The following PPP1R1B variants were observed in gnomAD, a reference collection of about 807,000 sequenced individuals.
PPP1R1B encodes the protein protein phosphatase 1 regulatory inhibitor subunit 1B, also known as protein phosphatase 1 regulatory subunit 1B.
PPP1R1B carries 13 observed loss-of-function variants against 28.2 expected under a neutral mutation model. The ratio of observed to expected loss-of-function variants is 0.46; its 90% CI spans 0.30 to 0.73. PPP1R1B has a LOEUF of 0.73. Among genes scored for constraint, PPP1R1B ranks in the 30% least tolerant of loss-of-function variants. The probability of loss-of-function intolerance (pLI) is 0.07; values close to 1 mark genes in which losing one functional copy is unlikely to be tolerated. For missense variants in PPP1R1B, 236 were observed against 256.7 expected, an observed-to-expected ratio of 0.92 and a Z score of 0.55; for synonymous variants, 102 against 97.5, an observed-to-expected ratio of 1.05 and a Z score of -0.27.
chr17:39,633,630 A>G, intron 4 of PPP1R1B: 1 of 452,804 alleles, frequency 2.2e-6, no homozygotes, highest in Non-Finnish European at 4.0e-6. Flanking sequence ...GGTGTGGGGG[A>G]GCTGCCTGGG....
At chr17:39,633,673 C>T in intron 4 of PPP1R1B, 1 of 707,110 alleles carries the variant, frequency 1.4e-6, no homozygotes, top group Non-Finnish European at 2.2e-6. Flanking sequence ...AAGAGCCAAA[C>T]ATGATCAAAT....
rs1421625535 is a variant in PPP1R1B, at chr17:39,627,488, C to A, written c.81+15C>A. The A allele has an allele frequency of 2.0e-6, 3 of 1,490,340 alleles. No homozygotes were observed. Among genetic ancestry groups the A allele is most frequent in the Non-Finnish European group, 2.7e-6 (3 of 1,096,342 alleles). 92.3% of individuals were successfully genotyped at this position (1,490,340 alleles called of 1,614,324 possible). On this transcript the variant is annotated intron_variant, in intron 1 of 6. Transcript: ENST00000254079. ...AGGTGGAGATGGTAAGGGGCCCGTG[C>A]CCCACCCCGGCAGCGTACCCGACAC... is the stretch of plus-strand genomic sequence containing the variant.
At position 39,629,207 on chromosome 17, in the gene PPP1R1B, G is replaced by A. The variant is rs368811507; in HGVS notation, c.119G>A (p.Arg40Gln). 16 of 1,613,596 alleles carry A rather than the reference G, an allele frequency of 9.9e-6. No individual in the cohort carries two copies. The highest frequency in any genetic ancestry group is 5.3e-5 in the African/African-American group (4 of 74,964). The change falls in exon 2 of 7, where the codon CGG (arginine) becomes CAG (glutamine). Residue 40 changes from arginine (R) to glutamine (Q), a missense_variant. Coordinates refer to ENST00000254079, the MANE Select transcript of PPP1R1B (RefSeq NM_032192.4). ...AGACCAACGCCTGCCATGCTGTTCC[G>A]GCTCTCAGAGCACTCCTCACCAGGT... The part of the protein sequence containing the change: ...RRRPTPAMLF[R>Q]LSEHSSPEEE...
In PPP1R1B at chr17:39,627,412, A is replaced by G. The variant is rs761179656; in HGVS notation, c.20A>G (p.Lys7Arg). MDPKDR[K>R]KIQFSVPAPP... is the part of the protein sequence containing the mutation. ...CGCGCCATGGACCCCAAGGACCGCA[A>G]GAAGATCCAGTTCTCGGTGCCCGCG... Residue 7 changes from lysine (K) to arginine (R), a missense_variant, in exon 1 of 7, where the codon AAG becomes AGG. Coordinates refer to ENST00000254079, the MANE Select transcript of PPP1R1B (RefSeq NM_032192.4). The G allele has an allele frequency of 6.2e-5, 100 of 1,604,370 alleles. 1 individual carries two copies. In the South Asian group the frequency reaches 9.0e-4, roughly 14 times the overall value.
intron 2 of PPP1R1B, 126 bp from the exon 3 acceptor site, chr17:39,629,414 G>A: frequency 1.5e-6 from 2 of 1,371,178 alleles, no homozygotes; most frequent in Non-Finnish European, 2.1e-6. Flanking sequence ...GAGGGAGAGG[G>A]CACACTTTCC....
rs1437766995 is a variant in PPP1R1B, at chr17:39,633,874, C to T, written c.242-9C>T. On this transcript the variant is annotated splice_polypyrimidine_tract_variant and intron_variant, in intron 4 of 6. Transcript: ENST00000254079. ...TGACCCTTGCTTTCCTCGGTCTCCT[C>T]TGTGCCAGCTGTGCAGCGCATTGCT... The T allele has an allele frequency of 6.2e-6, 10 of 1,613,234 alleles. No individual in the cohort carries two copies. The highest frequency in any genetic ancestry group is 4.4e-5 in the South Asian group (4 of 90,922).
chr17:39,629,625 T>G, intron 3 of PPP1R1B, 63 bp downstream of exon 3: 1 of 1,575,890 alleles, frequency 6.3e-7, no homozygotes, highest in Non-Finnish European at 8.7e-7. Context: ...GGTGGACGGG[T>G]GCCTGCAGTG....
At position 39,635,871 on chromosome 17, in the gene PPP1R1B, C is replaced by A. The variant is rs1035040448; in HGVS notation, c.*6C>A. 2.5e-6 allele frequency: 4 copies of A among 1,612,244 alleles called. No homozygotes were observed. Among genetic ancestry groups the A allele is most frequent in the African/African-American group, 2.7e-5 (2 of 74,846 alleles). On this transcript the variant is annotated 3_prime_UTR_variant, in exon 7 of 7. Transcript: ENST00000254079. The stretch of plus-strand genomic sequence containing the variant: ...CCTCTGAGCCTGGCACATAGGCACC[C>A]AGCCTGCATCTCCCAGGAGGAAGTG...
intron 1 of PPP1R1B, among the ~76,000 whole-genome samples, chr17:39,628,028 C>T (rs968529134): frequency 5.9e-5 from 9 of 152,134 alleles, no homozygotes; most frequent in Admixed American, 2.0e-4. Context: ...AGAGCCCCAA[C>T]CCCAAGGAGG....
chr17:39,635,846 C>G lies in PPP1R1B; in HGVS notation c.596C>G (p.Pro199Arg). The G allele has an allele frequency of 3.1e-6, 5 of 1,613,366 alleles. No individual in the cohort carries two copies. The highest frequency in any genetic ancestry group is 1.8e-4 in the Middle Eastern group (1 of 5,490). Residue 199 changes from proline to arginine, a missense_variant, in exon 7 of 7, where the codon CCC becomes CGC. Transcript: ENST00000254079. The stretch of plus-strand genomic sequence containing the variant: ...GGGGAGGAACCTCAGCGCCCTTCCC[C>G]CTCTGAGCCTGGCACATAGGCACCC... ...EPGEEPQRPSPSEPGT is the reference protein window; with the variant it reads ...EPGEEPQRPSRSEPGT
At chr17:39,629,829 G>A (rs2056863232) in intron 3 of PPP1R1B, 143 bp from the exon 4 acceptor site, 2 of 949,444 alleles carry the variant, frequency 2.1e-6, no homozygotes, top group Non-Finnish European at 3.3e-6. Context: ...AAGCCACAGG[G>A]TGGGGAGGCT....
At chr17:39,629,647 G>C in intron 3 of PPP1R1B, 85 bp downstream of exon 3, 1 of 1,423,122 alleles carries the variant, frequency 7.0e-7, no homozygotes, top group South Asian at 1.2e-5. Context: ...CAACCAACCA[G>C]TATGGGGTGC....
intron 4 of PPP1R1B, 119 bp from the exon 5 acceptor site, chr17:39,633,764 G>C (rs2056895407): frequency 1.9e-6 from 3 of 1,539,054 alleles, no homozygotes; most frequent in African/African-American, 1.4e-5. Context: ...GGGCCCCTGA[G>C]GGGGTATTCT....
In PPP1R1B at chr17:39,630,216, C is replaced by T. The variant is rs2056866923; in HGVS notation, c.241+169C>T. 3 of 630,944 alleles carry T rather than the reference C, an allele frequency of 4.8e-6. 1 individual carries two copies. Among genetic ancestry groups the T allele is most frequent in the Non-Finnish European group, 2.8e-6 (1 of 355,202 alleles). 39.1% of individuals were successfully genotyped at this position (630,944 alleles called of 1,614,324 possible). A position where few individuals can be genotyped will look rare whatever the true frequency, so the allele number is the denominator to read the frequency against. ...CCAATTTTTTCTCAGTCTGGCCTTG[C>T]AAAACACAGGAGTCCCGAGGCTGCA... On this transcript the variant is annotated intron_variant, in intron 4 of 6. Transcript: ENST00000254079.
Position 39,635,962 on chromosome 17 carries a change from C to A in PPP1R1B, c.*97C>A. The A allele has an allele frequency of 7.4e-7, 1 of 1,354,206 alleles. No homozygotes were observed. The highest frequency in any genetic ancestry group is 1.0e-6 in the Non-Finnish European group (1 of 975,840). The allele number at this position is 1,354,206 out of a possible 1,614,324, so 83.9% of individuals were successfully genotyped here. The stretch of plus-strand genomic sequence containing the variant: ...ACCCTGTTTTGTGCTCTTCCCCTCG[C>A]CTGCTAGGGCTGCGGCTTCTGACTT... On this transcript the variant is annotated 3_prime_UTR_variant, in exon 7 of 7. Coordinates refer to ENST00000254079, the MANE Select transcript of PPP1R1B (RefSeq NM_032192.4).
At chr17:39,631,257 G>A (rs1179603300) in intron 4 of PPP1R1B, among the ~76,000 whole-genome samples, 1 of 152,110 alleles carries the variant, frequency 6.6e-6, no homozygotes, top group Non-Finnish European at 1.5e-5. Context: ...AAAAAGAAAA[G>A]GGTCAAGGAA....
intron 2 of PPP1R1B, 111 bp downstream of exon 2, chr17:39,629,341 G>T: frequency 7.5e-7 from 1 of 1,338,148 alleles, no homozygotes; most frequent in South Asian, 1.2e-5. Flanking sequence ...CTGGGGAGTG[G>T]ATAAGGTCTG....
At chr17:39,629,511 G>A (rs1304726477) in intron 2 of PPP1R1B, 29 bp from the exon 3 acceptor site, 1 of 1,613,592 alleles carries the variant, frequency 6.2e-7, no homozygotes, top group South Asian at 1.1e-5. Context: ...CTTGGTTCTG[G>A]TTCGGTTGGC....
At chr17:39,635,751 G>A (rs1344311040) in intron 6 of PPP1R1B, 25 bp downstream of exon 6, 1 of 1,612,450 alleles carries the variant, frequency 6.2e-7, no homozygotes, top group Non-Finnish European at 8.5e-7. Flanking sequence ...TGTGAAATGG[G>A]GAGGAGGGGC....
Sources: gnomAD v4.1 joint callset for allele counts (sites outside exome capture counted in the v4.1 genomes callset) on GRCh38, gnomAD v4.1.1 for gene constraint, MANE v1.5 for transcripts, NCBI Gene and HGNC (gene_info 2026-07-23, HGNC 2026-07-21) for gene names.